The following SLC9A4 variants were observed in gnomAD, a reference collection of about 807,000 sequenced individuals.
The protein encoded by SLC9A4 is solute carrier family 9 member A4, also known as sodium/hydrogen exchanger 4.
A neutral mutation model predicts 67.4 loss-of-function variants in SLC9A4; 63 were observed. The observed-to-expected ratio is 0.93, with a 90% confidence interval of 0.76 to 1.15. SLC9A4 has a LOEUF of 1.15. SLC9A4 is among the 50% of genes most tolerant of loss of function. SLC9A4 has a pLI of 0.00. For missense variants in SLC9A4, 1,089 were observed against 987.7 expected (o/e 1.10, Z -1.38); for synonymous variants, 393 against 367.2 (o/e 1.07, Z -0.80).
At chr2:102,510,369 CA>C (rs1263567745) in intron 6 of SLC9A4, among the ~76,000 whole-genome samples, 1 of 152,040 alleles carries the variant, frequency 6.6e-6, no homozygotes, top group East Asian at 1.9e-4. Context: ...TAGGAAAGCC[CA>C]AAATCCAGGG....
intron 7 of SLC9A4, 138 bp downstream of exon 7, chr2:102,512,411 T>A: frequency 1.2e-6 from 1 of 803,742 alleles, no homozygotes; most frequent in Non-Finnish European, 1.9e-6. Flanking sequence ...AGGAAGTGGT[T>A]GAAATTCCAG....
At chr2:102,479,830 T>C (rs2104413797) in intron 2 of SLC9A4, among the ~76,000 whole-genome samples, 2 of 152,280 alleles carry the variant, frequency 1.3e-5, no homozygotes, top group South Asian at 4.1e-4. Flanking sequence ...AGGACTTGTA[T>C]GGAAAAAAGT....
At chr2:102,503,924 T>G (rs1445716566) in intron 3 of SLC9A4, among the ~76,000 whole-genome samples, 1 of 152,208 alleles carries the variant, frequency 6.6e-6, no homozygotes, top group Non-Finnish European at 1.5e-5. Context: ...GTGATTTGCC[T>G]GAGGAGGAAA....
intron 9 of SLC9A4, among the ~76,000 whole-genome samples, chr2:102,522,838 T>C (rs947978828): frequency 4.6e-5 from 7 of 152,198 alleles, no homozygotes; most frequent in Non-Finnish European, 8.8e-5. Context: ...AAATTCAACT[T>C]CTTGGGGCAA....
chr2:102,492,480 G>A (rs1321918564), intron 2 of SLC9A4, among the ~76,000 whole-genome samples: 1 of 152,226 alleles, frequency 6.6e-6, no homozygotes, highest in Non-Finnish European at 1.5e-5. Flanking sequence ...AGCTGCCAAA[G>A]CTTGGAGCTT....
intron 1 of SLC9A4, 27 bp downstream of exon 1, chr2:102,474,042 G>T: frequency 1.2e-6 from 2 of 1,604,088 alleles, no homozygotes; most frequent in South Asian, 1.1e-5. Flanking sequence ...CTGGTTTGGT[G>T]AGTTATCTTT....
chr2:102,496,059 T>C (rs555107258), intron 2 of SLC9A4, among the ~76,000 whole-genome samples: 1 of 152,150 alleles, frequency 6.6e-6, no homozygotes, highest in East Asian at 1.9e-4. Context: ...AAAAAAATGC[T>C]CTTCAAAATG....
intron 4 of SLC9A4, among the ~76,000 whole-genome samples, chr2:102,507,181 A>C (rs1466355097): frequency 2.6e-5 from 4 of 152,176 alleles, no homozygotes; most frequent in African/African-American, 7.2e-5. Context: ...TGGCATGGAG[A>C]GGAACCAGGA....
At chr2:102,517,502 C>T (rs1464087971) in intron 8 of SLC9A4, among the ~76,000 whole-genome samples, 1 of 152,126 alleles carries the variant, frequency 6.6e-6, no homozygotes, top group East Asian at 1.9e-4. Context: ...AACAAATATA[C>T]ACTTGGAGAG....
In SLC9A4 at chr2:102,525,018, C is replaced by T; in HGVS notation, c.1819-6C>T. 3 of 1,613,848 alleles carry T rather than the reference C, an allele frequency of 1.9e-6. No individual in the cohort carries two copies. The highest frequency in any genetic ancestry group is 2.5e-6 in the Non-Finnish European group (3 of 1,179,842). ...TTACGTATTTGACATTCCATTTTCT[C>T]TGCAGACCCTGTCCTACAACAAATA... On this transcript the variant is annotated splice_polypyrimidine_tract_variant and splice_region_variant and intron_variant, in intron 9 of 11. Coordinates refer to ENST00000295269, the MANE Select transcript of SLC9A4 (RefSeq NM_001011552.4).
At chr2:102,477,102 C>A (rs982329428) in intron 1 of SLC9A4, among the ~76,000 whole-genome samples, 8 of 152,178 alleles carry the variant, frequency 5.3e-5, no homozygotes, top group African/African-American at 1.9e-4. Context: ...TGCTGGCTCC[C>A]CATGGCCTAT....
intron 8 of SLC9A4, among the ~76,000 whole-genome samples, chr2:102,518,155 G>A (rs528314342): frequency 6.6e-6 from 1 of 152,290 alleles, no homozygotes; most frequent in African/African-American, 2.4e-5. Flanking sequence ...ACCCATTCCA[G>A]CCAGAGCTTG....
intron 11 of SLC9A4, among the ~76,000 whole-genome samples, chr2:102,526,617 A>G (rs1674670775): frequency 6.6e-6 from 1 of 152,224 alleles, no homozygotes. Context: ...TTTGTAGTTG[A>G]CATGCCATAC....
chr2:102,487,317 C>G (rs1184842664), intron 2 of SLC9A4, among the ~76,000 whole-genome samples: 1 of 152,038 alleles, frequency 6.6e-6, no homozygotes, highest in African/African-American at 2.4e-5. Flanking sequence ...GTGGGAGGAC[C>G]TGGGAGAAGT....
chr2:102,508,337 A>T, intron 5 of SLC9A4, 56 bp downstream of exon 5: 2 of 1,417,060 alleles, frequency 1.4e-6, no homozygotes, highest in Non-Finnish European at 1.9e-6. Context: ...CAATGTAGTA[A>T]ATTAGTAAAA....
intron 2 of SLC9A4, among the ~76,000 whole-genome samples, chr2:102,486,286 G>A (rs143846286): frequency 4.3e-4 from 66 of 152,286 alleles, no homozygotes; most frequent in Non-Finnish European, 9.0e-4. Flanking sequence ...GGGTTAAAAT[G>A]GATTGATACA....
At chr2:102,474,996 G>T (rs911177259) in intron 1 of SLC9A4, among the ~76,000 whole-genome samples, 3 of 152,142 alleles carry the variant, frequency 2.0e-5, no homozygotes, top group Non-Finnish European at 4.4e-5. Context: ...TATTCACTTA[G>T]CTCCCTCCCT....
chr2:102,514,054 G>A (rs372330986), intron 7 of SLC9A4, 36 bp from the exon 8 acceptor site: 12 of 1,602,774 alleles, frequency 7.5e-6, no homozygotes, highest in South Asian at 3.4e-5. Flanking sequence ...ACATACAGAC[G>A]TTCAAGATTT....
At chr2:102,497,961 G>A (rs958950169) in intron 2 of SLC9A4, among the ~76,000 whole-genome samples, 2 of 152,180 alleles carry the variant, frequency 1.3e-5, no homozygotes, top group Non-Finnish European at 2.9e-5. Flanking sequence ...AACTTTTACA[G>A]TGGCATCAGC....
Sources: allele counts gnomAD v4.1 joint callset (sites outside exome capture counted in the v4.1 genomes callset), GRCh38; gene constraint gnomAD v4.1.1; transcripts MANE v1.5; gene names NCBI Gene and HGNC (gene_info 2026-07-23, HGNC 2026-07-21).